The following ASPH variants were observed in gnomAD, a reference collection of about 807,000 sequenced individuals.
ASPH encodes the protein aspartate beta-hydroxylase, also known as aspartyl/asparaginyl beta-hydroxylase.
A neutral mutation model predicts 118.4 loss-of-function variants in ASPH; 100 were observed. That is an observed-to-expected ratio of 0.84 (90% CI 0.72 to 1.00). ASPH has a LOEUF of 1.00. Among genes scored for constraint, ASPH ranks in the 50% least tolerant of loss-of-function variants. The pLI, the probability that ASPH is intolerant of heterozygous loss-of-function variation, is 0.00. For synonymous variants in ASPH, 315 were observed against 325.6 expected (o/e 0.97, Z 0.35); for missense variants, 920 against 919.5 (o/e 1.00, Z -0.01).
chr8:61,693,472 T>C (rs1245666188), intron 1 of ASPH, among the ~76,000 whole-genome samples: 1 of 152,178 alleles, frequency 6.6e-6, no homozygotes, highest in Non-Finnish European at 1.5e-5. Flanking sequence ...CTACACATCG[T>C]ACCCAAAGTT....
intron 21 of ASPH, among the ~76,000 whole-genome samples, chr8:61,538,080 A>AAACGTC (rs1418206603): frequency 1.3e-5 from 2 of 152,194 alleles, no homozygotes; most frequent in African/African-American, 4.8e-5. Flanking sequence ...AGCCTTACCA[A>AAACGTC]AACGTCACGG....
chr8:61,637,155 A>C (rs1314861664), intron 12 of ASPH, among the ~76,000 whole-genome samples: 1 of 152,120 alleles, frequency 6.6e-6, no homozygotes, highest in Non-Finnish European at 1.5e-5. Flanking sequence ...TCCCTCTTAC[A>C]TGCTCCCCCT....
At chr8:61,606,241 T>C (rs1175526790) in intron 14 of ASPH, among the ~76,000 whole-genome samples, 1 of 152,206 alleles carries the variant, frequency 6.6e-6, no homozygotes, top group Non-Finnish European at 1.5e-5. Context: ...AAGCTATAAT[T>C]TGCAATTAAT....
In ASPH at chr8:61,680,997, A is replaced by T. The variant is rs768375086; in HGVS notation, c.293T>A (p.Phe98Tyr). The T allele has an allele frequency of 6.2e-6, 10 of 1,605,926 alleles. No homozygotes were observed. The highest frequency in any genetic ancestry group is 2.6e-6 in the Non-Finnish European group (3 of 1,175,662). The change falls in exon 3 of 25, where the codon TTT becomes TAT. Residue 98 changes from phenylalanine to tyrosine, a missense_variant. Phe to Tyr is a conservative substitution (Grantham distance 22). Transcript: ENST00000379454. The part of the protein sequence containing the change: ...GIYDADGDGD[F>Y]DVDDAKVLLG... ...TAAAACTTTGGCATCATCCACATCA[A>T]AATCTCCATCACCATCAGCATCATA...
intron 16 of ASPH, among the ~76,000 whole-genome samples, chr8:61,571,824 A>C (rs1390481645): frequency 1.3e-5 from 2 of 152,222 alleles, no homozygotes; most frequent in Non-Finnish European, 2.9e-5. Context: ...TCTCTTAATG[A>C]AATGACTTAA....
In ASPH at chr8:61,518,427, T is replaced by C. The variant is rs368963795; in HGVS notation, c.1901-304A>G. Reference sequence around the variant, plus strand: ...AGACACAGGTTAAAGGCCTTTGACCTTGAATAACACAGGGATTAGGGGCTT... The same window carrying C: ...AGACACAGGTTAAAGGCCTTTGACCCTGAATAACACAGGGATTAGGGGCTT... On this transcript the variant is annotated intron_variant, in intron 22 of 24. Coordinates refer to ENST00000379454, the MANE Select transcript of ASPH (RefSeq NM_004318.4). Among the ~76,000 whole-genome samples the C allele has an allele frequency of 5.3e-4, 81 of 152,334 alleles. No homozygotes were observed. The South Asian group carries it at 0.017, about 31-fold the overall frequency.
chr8:61,612,576 T>C (rs1847787559), intron 14 of ASPH, among the ~76,000 whole-genome samples: 1 of 152,060 alleles, frequency 6.6e-6, no homozygotes, highest in Non-Finnish European at 1.5e-5. Flanking sequence ...TTCACCATGT[T>C]GGCCAGGCTG....
At chr8:61,642,672 C>T (rs1364536156) in intron 10 of ASPH, among the ~76,000 whole-genome samples, 1 of 151,686 alleles carries the variant, frequency 6.6e-6, no homozygotes, top group Non-Finnish European at 1.5e-5. Context: ...TTGAGATAAA[C>T]CCTAAAATAC....
intron 1 of ASPH, among the ~76,000 whole-genome samples, chr8:61,686,606 A>T (rs1348400266): frequency 1.3e-5 from 2 of 152,204 alleles, no homozygotes; most frequent in African/African-American, 4.8e-5. Context: ...ATACAGACAT[A>T]TGCGTACAAA....
intron 1 of ASPH, among the ~76,000 whole-genome samples, chr8:61,703,501 T>A (rs2350925): frequency 0.48 from 73,474 of 151,838 alleles, 18,030 homozygotes; most frequent in East Asian, 0.54. Flanking sequence ...AATGAAATTT[T>A]AAAAATACGA....
intron 1 of ASPH, among the ~76,000 whole-genome samples, chr8:61,706,883 C>G (rs1836832151): frequency 6.6e-6 from 1 of 152,166 alleles, no homozygotes; most frequent in Non-Finnish European, 1.5e-5. Context: ...GATGACAAAT[C>G]AACTAACAGT....
chr8:61,690,077 G>C (rs1832181620), intron 1 of ASPH, among the ~76,000 whole-genome samples: 1 of 152,142 alleles, frequency 6.6e-6, no homozygotes, highest in South Asian at 2.1e-4. Flanking sequence ...TTGGAAGCAG[G>C]CTTTAACGGC....
intron 14 of ASPH, chr8:61,607,178 C>T: frequency 3.0e-6 from 2 of 664,822 alleles, no homozygotes; most frequent in South Asian, 1.6e-5. Context: ...CAAACTAATG[C>T]ATCATCCTTC....
intron 24 of ASPH, among the ~76,000 whole-genome samples, chr8:61,511,637 C>A (rs1808860315): frequency 6.6e-6 from 1 of 152,166 alleles, no homozygotes; most frequent in African/African-American, 2.4e-5. Flanking sequence ...AAGTTTCACT[C>A]TTGTCACCCA....
At chr8:61,624,726 A>C in intron 13 of ASPH, 2 of 985,780 alleles carry the variant, frequency 2.0e-6, no homozygotes, top group South Asian at 9.4e-5. Flanking sequence ...AGAGTTCTAC[A>C]AAAATCCAGC....
Position 61,590,732 on chromosome 8 carries a change from T to C in ASPH, c.977-6703A>G, listed in dbSNP as rs143220001. The stretch of plus-strand genomic sequence containing the variant: ...CCCTAATCTCCATTTTCCTCTTCTA[T>C]TAATTTCCTTTATATAGACTCTCGA... On this transcript the variant is annotated intron_variant, in intron 14 of 24. Coordinates refer to ENST00000379454, the MANE Select transcript of ASPH (RefSeq NM_004318.4). Among the ~76,000 whole-genome samples, 654 of 152,310 alleles carry C rather than the reference T, an allele frequency of 4.3e-3. 6 individuals carry two copies. Among genetic ancestry groups the C allele is most frequent in the African/African-American group, 0.014 (602 of 41,566 alleles).
At chr8:61,713,532 A>G (rs1350472517) in intron 1 of ASPH, among the ~76,000 whole-genome samples, 1 of 152,230 alleles carries the variant, frequency 6.6e-6, no homozygotes, top group Admixed American at 6.5e-5. Flanking sequence ...AAGGAAGTAT[A>G]AAAGAAACCA....
At position 61,551,314 on chromosome 8, in the gene ASPH, A is replaced by G. The variant is rs540013951; in HGVS notation, c.1626+1717T>C. Among the ~76,000 whole-genome samples the G allele has an allele frequency of 2.6e-5, 4 of 152,302 alleles. No individual in the cohort carries two copies. The East Asian group carries it at 7.7e-4, about 29-fold the overall frequency. On this transcript the variant is annotated intron_variant, in intron 20 of 24. Transcript: ENST00000379454. ...TTTTTGCAGATCCATCCTCTTTCAG[A>G]GTTGGAGCAGTGCTCTAGGCATAAA...
At chr8:61,712,550 T>G (rs1021725304) in intron 1 of ASPH, among the ~76,000 whole-genome samples, 2 of 152,250 alleles carry the variant, frequency 1.3e-5, no homozygotes, top group Non-Finnish European at 2.9e-5. Flanking sequence ...GTCTGTTTCA[T>G]GACTATTAGA....
Sources: allele counts gnomAD v4.1 joint callset (sites outside exome capture counted in the v4.1 genomes callset), GRCh38; gene constraint gnomAD v4.1.1; transcripts MANE v1.5; gene names NCBI Gene and HGNC (gene_info 2026-07-23, HGNC 2026-07-21).